Variants in SHANK2 observed in about 807,000 individuals in gnomAD.
The protein encoded by SHANK2 is SH3 and multiple ankyrin repeat domains 2.
SHANK2 carries 43 observed loss-of-function variants against 133.7 expected under a neutral mutation model. The observed-to-expected ratio is 0.32, with a 90% CI of 0.25 to 0.41. SHANK2 has a LOEUF of 0.41. SHANK2 is among the 10% of genes least tolerant of loss of function. The probability of loss-of-function intolerance (pLI) is 1.00; values close to 1 mark genes in which losing one functional copy is unlikely to be tolerated. For synonymous variants in SHANK2, 1,017 were observed against 952.8 expected, an observed-to-expected ratio of 1.07 and a Z score of -1.24; for missense variants, 1,994 against 2,235.8, an observed-to-expected ratio of 0.89 and a Z score of 2.18.
chr11:71,065,796 C>T lies in SHANK2; in HGVS notation c.1030-9238G>A, dbSNP rs1400885328. ...TGGGGAGGAGGGGTACAGAACTCTCCCAGGGAGATGAGTGGTGAGTGGGGA... is the reference window on the plus strand; with the variant it reads ...TGGGGAGGAGGGGTACAGAACTCTCTCAGGGAGATGAGTGGTGAGTGGGGA... On this transcript the variant is annotated intron_variant, in intron 9 of 25. Coordinates refer to ENST00000601538, the MANE Select transcript of SHANK2 (RefSeq NM_012309.5). 5.7e-5 allele frequency among the ~76,000 whole-genome samples: 7 copies of T among 122,516 alleles called. No homozygotes were observed. In the South Asian group the frequency reaches 1.1e-3, roughly 19 times the overall value. The allele number at this position is 122,516 out of a possible 152,430, so 80.4% of individuals were successfully genotyped here. A position where few individuals can be genotyped will look rare whatever the true frequency, so the allele number is the denominator to read the frequency against.
At chr11:70,879,540 G>A (rs369034230) in intron 11 of SHANK2, among the ~76,000 whole-genome samples, 6 of 152,268 alleles carry the variant, frequency 3.9e-5, no homozygotes, top group East Asian at 3.9e-4. Flanking sequence ...GGAAAATTCC[G>A]GATTGGAACC....
chr11:70,846,524 G>A (rs1465186636), intron 11 of SHANK2, among the ~76,000 whole-genome samples: 2 of 152,096 alleles, frequency 1.3e-5, no homozygotes, highest in African/African-American at 4.8e-5. Flanking sequence ...CCAAGGCACT[G>A]GGATTATAGA....
At chr11:71,167,531 C>A (rs1487761065) in intron 2 of SHANK2, among the ~76,000 whole-genome samples, 1 of 123,854 alleles carries the variant, frequency 8.1e-6, no homozygotes, top group African/African-American at 3.3e-5. Context: ...GGCGGCTGGC[C>A]GGGCGGGGGG....
intron 17 of SHANK2, among the ~76,000 whole-genome samples, chr11:70,636,466 TCTG>T (rs1189636311): frequency 6.6e-6 from 1 of 150,824 alleles, no homozygotes; most frequent in Non-Finnish European, 1.5e-5. Context: ...CGTGTGAGCA[TCTG>T]TGTATGTGTA....
At chr11:70,938,635 C>T (rs368000730) in intron 10 of SHANK2, among the ~76,000 whole-genome samples, 100 of 152,278 alleles carry the variant, frequency 6.6e-4, no homozygotes, top group African/African-American at 2.1e-3. Flanking sequence ...TTTGGAAACG[C>T]GGCTTCTAGT....
At chr11:70,709,783 C>A (rs1007992690) in intron 14 of SHANK2, among the ~76,000 whole-genome samples, 2 of 151,980 alleles carry the variant, frequency 1.3e-5, no homozygotes, top group African/African-American at 4.8e-5. Context: ...CTTGGGGGAG[C>A]CCTGGCGAGC....
rs367871795 is a variant in SHANK2, at chr11:71,208,028, G to T, written c.-13+16669C>A. On this transcript the variant is annotated intron_variant, in intron 2 of 25. Transcript: ENST00000601538. ...GGTTTGGCAGTCTGAGGGCTCCCAAGAAAAGCTTTTAAGGGCCTTAAGACA... is the reference window on the plus strand; with the variant it reads ...GGTTTGGCAGTCTGAGGGCTCCCAATAAAAGCTTTTAAGGGCCTTAAGACA... Among the ~76,000 whole-genome samples the T allele has an allele frequency of 2.8e-4, 42 of 152,118 alleles. No individual in the cohort carries two copies. In the East Asian group the frequency reaches 4.8e-3, roughly 18 times the overall value.
intron 14 of SHANK2, among the ~76,000 whole-genome samples, chr11:70,790,460 T>C (rs1331397292): frequency 6.6e-6 from 1 of 152,234 alleles, no homozygotes. Context: ...GTCTGTTGGC[T>C]TGAAGTCAAC....
intron 9 of SHANK2, among the ~76,000 whole-genome samples, chr11:71,058,014 C>T (rs1203460892): frequency 6.7e-6 from 1 of 149,418 alleles, no homozygotes; most frequent in African/African-American, 2.5e-5. Flanking sequence ...CCCACCTCAA[C>T]CTCCTGAGTA....
intron 17 of SHANK2, among the ~76,000 whole-genome samples, chr11:70,636,289 G>A (rs2061080870): frequency 6.6e-6 from 1 of 152,212 alleles, no homozygotes; most frequent in South Asian, 2.1e-4. Context: ...GTACATGTAT[G>A]AGTATGTGTG....
chr11:70,485,735 A>C lies in SHANK2; in HGVS notation c.4558T>G (p.Ser1520Ala). The C allele has an allele frequency of 6.2e-7, 1 of 1,614,060 alleles. No individual in the cohort carries two copies. The highest frequency in any genetic ancestry group is 8.5e-7 in the Non-Finnish European group (1 of 1,180,020). The change falls in exon 25 of 26, where the codon TCT (serine) becomes GCT (alanine). Residue 1520 changes from serine to alanine, a missense_variant. Coordinates refer to ENST00000601538, the MANE Select transcript of SHANK2 (RefSeq NM_012309.5). The surrounding 1 kb of genome is among the most constrained non-coding windows in gnomAD (Gnocchi z 5.8). ...TCCACATTCTCTCCACCTTCGGAAG[A>C]CAGGGTGGAGATGCTAGACACGGTG... ...ISTVSSISTL[S>A]SEGGENVDTC...
rs781821132 is a variant in SHANK2 at position 70,497,050 on chromosome 11, C to T, written c.2308+3520G>A. 49 of 456,446 alleles carry T rather than the reference C, an allele frequency of 1.1e-4. 2 individuals carry two copies. The highest frequency in any genetic ancestry group is 6.5e-4 in the South Asian group (42 of 64,558). 28.3% of individuals were successfully genotyped at this position (456,446 alleles called of 1,614,324 possible). A position where few individuals can be genotyped will look rare whatever the true frequency, so the allele number is the denominator to read the frequency against. Reference sequence around the variant, plus strand: ...TTGAACTAGAGCATGTGAGAGCAGCCGGGCGTGTTGGGGTGGTAGGGTCAG... The same window carrying T: ...TTGAACTAGAGCATGTGAGAGCAGCTGGGCGTGTTGGGGTGGTAGGGTCAG... On this transcript the variant is annotated intron_variant, in intron 21 of 25. Transcript: ENST00000601538.
intron 15 of SHANK2, among the ~76,000 whole-genome samples, chr11:70,686,557 A>G (rs1555019682): frequency 6.6e-6 from 1 of 152,134 alleles, no homozygotes; most frequent in Non-Finnish European, 1.5e-5. Flanking sequence ...CCATTCTCTG[A>G]GAGCTGGACA....
At chr11:71,097,510 G>A (rs78804044) in intron 6 of SHANK2, among the ~76,000 whole-genome samples, 2,079 of 152,336 alleles carry the variant, frequency 0.014, 52 homozygotes, top group African/African-American at 0.048. Flanking sequence ...TAACCTCAGA[G>A]TGGCCCCAGT....
chr11:70,798,583 T>C (rs1439140305), intron 13 of SHANK2, 27 bp from the exon 14 acceptor site: 1 of 718,062 alleles, frequency 1.4e-6, no homozygotes, highest in Non-Finnish European at 2.6e-6. Context: ...GGGAGAGGTG[T>C]TAGCAGGGGG....
At chr11:71,245,187 C>T (rs1954944644) in intron 1 of SHANK2, among the ~76,000 whole-genome samples, 1 of 152,044 alleles carries the variant, frequency 6.6e-6, no homozygotes, top group Non-Finnish European at 1.5e-5. Context: ...ATTATATTGC[C>T]TAGGCTGGTC....
chr11:70,622,746 G>A (rs1044119762), intron 17 of SHANK2, among the ~76,000 whole-genome samples: 2 of 152,220 alleles, frequency 1.3e-5, no homozygotes, highest in Non-Finnish European at 2.9e-5. Context: ...AGTGGACACA[G>A]TTCTGTGGAA....
chr11:70,638,297 T>C (rs474329), intron 17 of SHANK2, among the ~76,000 whole-genome samples: 63,357 of 151,850 alleles, frequency 0.42, 13,589 homozygotes, highest in Middle Eastern at 0.48. Context: ...GACCACAAGC[T>C]ACTCCCAGTG....
chr11:70,637,597 A>G (rs1555004803), intron 17 of SHANK2, among the ~76,000 whole-genome samples: 1 of 152,126 alleles, frequency 6.6e-6, no homozygotes, highest in Non-Finnish European at 1.5e-5. Context: ...AGAGGGTGTG[A>G]CCCGTGGGAG....
Sources: gnomAD v4.1 joint callset for allele counts (sites outside exome capture counted in the v4.1 genomes callset) on GRCh38, gnomAD v4.1.1 for gene constraint, Gnocchi (gnomAD v3.1) non-coding constraint, MANE v1.5 for transcripts, NCBI Gene and HGNC (gene_info 2026-07-23, HGNC 2026-07-21) for gene names.